The following NAV1 variants were observed in gnomAD, a reference collection of about 807,000 sequenced individuals.
NAV1 encodes neuron navigator 1.
A neutral mutation model predicts 175.2 loss-of-function variants in NAV1; 18 were observed. That is an observed-to-expected ratio of 0.10 (90% CI 0.07 to 0.15). NAV1 has a LOEUF of 0.15. Among genes scored for constraint, NAV1 ranks in the 10% least tolerant of loss-of-function variants. NAV1 has a pLI of 1.00. For synonymous variants in NAV1, 897 were observed against 978.7 expected, an observed-to-expected ratio of 0.92 and a Z score of 1.56; for missense variants, 1,731 against 2,436.6, an observed-to-expected ratio of 0.71 and a Z score of 6.10.
At chr1:201,549,272 A>G (rs1665773734) in intron 1 of NAV1, among the ~76,000 whole-genome samples, 1 of 151,586 alleles carries the variant, frequency 6.6e-6, no homozygotes, top group African/African-American at 2.4e-5. Flanking sequence ...CAGTGGAACA[A>G]TCACAGCACA....
chr1:201,568,934 G>A (rs1057407733), intron 1 of NAV1, among the ~76,000 whole-genome samples: 2 of 152,106 alleles, frequency 1.3e-5, no homozygotes, highest in Non-Finnish European at 2.9e-5. Flanking sequence ...TAGGGAGGAA[G>A]GTCAGACTGG....
At chr1:201,731,358 C>G (rs1005140122) in intron 3 of NAV1, among the ~76,000 whole-genome samples, 1 of 151,950 alleles carries the variant, frequency 6.6e-6, no homozygotes, top group Admixed American at 6.6e-5. Context: ...AGGGGGTGTG[C>G]GGCAACCAGA....
At position 201,787,735 on chromosome 1, in the gene NAV1, C is replaced by T; in HGVS notation, c.2996-733C>T. The stretch of plus-strand genomic sequence containing the variant: ...GGGAGCTCCTTGTGGGTATGAAACC[C>T]TGAAAGGCTGTAATCCCAGCAATGG... On this transcript the variant is annotated intron_variant, in intron 9 of 29. Coordinates refer to ENST00000367296, the Ensembl canonical transcript of NAV1. This position sits in a 1 kb window ranked among gnomAD's most constrained non-coding sequence, Gnocchi z 4.3. The T allele has an allele frequency of 2.2e-6, 1 of 456,072 alleles. No individual in the cohort carries two copies. Among genetic ancestry groups the T allele is most frequent in the South Asian group, 1.5e-5 (1 of 64,522 alleles). The allele number at this position is 456,072 out of a possible 1,614,324, so 28.3% of individuals were successfully genotyped here.
chr1:201,669,132 A>G (rs1283561776), intron 1 of NAV1, among the ~76,000 whole-genome samples: 3 of 152,200 alleles, frequency 2.0e-5, no homozygotes, highest in African/African-American at 4.8e-5. Context: ...TATCTACTAT[A>G]TGCCAGTCTA....
chr1:201,707,915 T>C (rs939672556), intron 1 of NAV1, among the ~76,000 whole-genome samples: 5 of 152,216 alleles, frequency 3.3e-5, no homozygotes, highest in Admixed American at 1.3e-4. Flanking sequence ...TGAAACACCA[T>C]ATTGTAGTGG....
At chr1:201,798,373 G>A (rs552677277) in intron 15 of NAV1, 4 of 152,214 alleles carry the variant, frequency 2.6e-5, no homozygotes, top group East Asian at 3.9e-4. Context: ...CAGGCACAGC[G>A]GCCCACGCTA....
At chr1:201,614,127 A>G (rs1667933172) in intron 2 of NAV1, among the ~76,000 whole-genome samples, 1 of 152,102 alleles carries the variant, frequency 6.6e-6, no homozygotes, top group Admixed American at 6.5e-5. Context: ...TGTGCTGTGC[A>G]GTGTCCGTAT....
chr1:201,728,196 G>A (rs916059729), intron 3 of NAV1, among the ~76,000 whole-genome samples: 6 of 151,846 alleles, frequency 4.0e-5, no homozygotes, highest in South Asian at 2.1e-4. Context: ...ATCAGGGCTC[G>A]TGGCAGCCTC....
chr1:201,774,934 A>G (rs1675844193), intron 3 of NAV1, among the ~76,000 whole-genome samples: 1 of 152,234 alleles, frequency 6.6e-6, no homozygotes, highest in Non-Finnish European at 1.5e-5. Flanking sequence ...ATCAGACTTA[A>G]AGTCGAATCC....
At position 201,787,750 on chromosome 1, in the gene NAV1, C is replaced by A. The variant is rs1489586231; in HGVS notation, c.2996-718C>A. Reference sequence around the variant, plus strand: ...GTATGAAACCCTGAAAGGCTGTAATCCCAGCAATGGGCAAAGGGGTAAGGC... The same window carrying A: ...GTATGAAACCCTGAAAGGCTGTAATACCAGCAATGGGCAAAGGGGTAAGGC... On this transcript the variant is annotated intron_variant, in intron 9 of 29. Coordinates refer to ENST00000367296, the Ensembl canonical transcript of NAV1. This position sits in a 1 kb window ranked among gnomAD's most constrained non-coding sequence, Gnocchi z 4.3. 2.2e-6 allele frequency: 1 copy of A among 455,836 alleles called. No homozygotes were observed. The highest frequency in any genetic ancestry group is 7.0e-5 in the East Asian group (1 of 14,378). The allele number at this position is 455,836 out of a possible 1,614,324, so 28.2% of individuals were successfully genotyped here. A position where few individuals can be genotyped will look rare whatever the true frequency, so the allele number is the denominator to read the frequency against.
At chr1:201,623,226 G>C (rs1668227632) in exon 1 of NAV1, 3 of 986,080 alleles carry the variant, frequency 3.0e-6, no homozygotes, top group Non-Finnish European at 3.6e-6. Context: ...TCTCCAGCCG[G>C]GCTGGATCCG....
chr1:201,755,297 C>T (rs1047965808), intron 3 of NAV1, among the ~76,000 whole-genome samples: 1 of 152,030 alleles, frequency 6.6e-6, no homozygotes, highest in African/African-American at 2.4e-5. Flanking sequence ...AAAAATTAGC[C>T]AGGCATGGTG....
chr1:201,690,350 CCTATA>C (rs1670862142), intron 1 of NAV1, among the ~76,000 whole-genome samples: 3 of 86,580 alleles, frequency 3.5e-5, no homozygotes, highest in Admixed American at 1.4e-4. Context: ...TCCTCTGTGG[CCTATA>C]TGTGGCAGAA....
chr1:201,606,881 G>A (rs1249736764), intron 2 of NAV1, among the ~76,000 whole-genome samples: 1 of 152,156 alleles, frequency 6.6e-6, no homozygotes, highest in Non-Finnish European at 1.5e-5. Flanking sequence ...ACTATTGGAG[G>A]ACAAACAACT....
Position 201,793,452 on chromosome 1 carries a change from G to A in NAV1, c.3322-340G>A, listed in dbSNP as rs543412033. 138 of 206,910 alleles carry A rather than the reference G, an allele frequency of 6.7e-4. 1 individual carries two copies. Among genetic ancestry groups the A allele is most frequent in the Non-Finnish European group, 8.4e-4 (85 of 101,216 alleles). The allele number at this position is 206,910 out of a possible 1,614,324, so 12.8% of individuals were successfully genotyped here. On this transcript the variant is annotated intron_variant, in intron 13 of 29. Transcript: ENST00000367296. ...GGAACGACCCCAGAGGCTATGGCCCGCCTACCAAGTTGGCCACACCAAATA... is the reference window on the plus strand; with the variant it reads ...GGAACGACCCCAGAGGCTATGGCCCACCTACCAAGTTGGCCACACCAAATA...
In NAV1 at chr1:201,788,729, C is replaced by T; in HGVS notation, c.3166+91C>T. 7.4e-7 allele frequency: 1 copy of T among 1,353,960 alleles called. No individual in the cohort carries two copies. The highest frequency in any genetic ancestry group is 1.4e-5 in the African/African-American group (1 of 69,366). 83.9% of individuals were successfully genotyped at this position (1,353,960 alleles called of 1,614,324 possible). A position where few individuals can be genotyped will look rare whatever the true frequency, so the allele number is the denominator to read the frequency against. On this transcript the variant is annotated intron_variant, in intron 10 of 29. Coordinates refer to ENST00000367296, the Ensembl canonical transcript of NAV1. The surrounding 1 kb of genome is among the most constrained non-coding windows in gnomAD (Gnocchi z 5.7). ...TCCACTCCCACCACTCCTACCACCA[C>T]ACACATATATGATTCACAGAACATC...
chr1:201,638,169 C>A (rs928631654), intron 2 of NAV1, among the ~76,000 whole-genome samples: 1 of 152,116 alleles, frequency 6.6e-6, no homozygotes, highest in African/African-American at 2.4e-5. Flanking sequence ...GGCCACATAG[C>A]AAATCAAGAA....
intron 21 of NAV1, 28 bp downstream of exon 25, chr1:201,809,289 G>A (rs1248945347): frequency 3.1e-6 from 5 of 1,608,438 alleles, no homozygotes; most frequent in Non-Finnish European, 4.3e-6. Flanking sequence ...GAGCCACAGT[G>A]GGAATGAACA....
chr1:201,613,806 G>A (rs1247708318), intron 2 of NAV1, among the ~76,000 whole-genome samples: 2 of 152,134 alleles, frequency 1.3e-5, no homozygotes, highest in Non-Finnish European at 2.9e-5. Flanking sequence ...AGGTTGCAGT[G>A]AGCCAAGATC....
Sources: allele counts gnomAD v4.1 joint callset (sites outside exome capture counted in the v4.1 genomes callset), GRCh38; gene constraint gnomAD v4.1.1; non-coding constraint Gnocchi (gnomAD v3.1); transcripts MANE v1.5; gene names NCBI Gene and HGNC (gene_info 2026-07-23, HGNC 2026-07-21).